Variants in TTC27 observed in about 807,000 individuals in gnomAD.
TTC27 encodes tetratricopeptide repeat domain 27, also known as tetratricopeptide repeat protein 27.
A neutral mutation model predicts 115.9 loss-of-function variants in TTC27; 79 were observed. The observed-to-expected ratio is 0.68, with a 90% CI of 0.57 to 0.82. TTC27 has a LOEUF of 0.82. Among genes scored for constraint, TTC27 ranks in the 40% least tolerant of loss-of-function variants. The pLI is 0.00. For synonymous variants in TTC27, 401 were observed against 356.0 expected (o/e 1.13, Z -1.42); for missense variants, 1,054 against 993.1 (o/e 1.06, Z -0.82).
chr2:32,645,428 C>T (rs1206464696), intron 4 of TTC27, among the ~76,000 whole-genome samples: 2 of 152,308 alleles, frequency 1.3e-5, no homozygotes, highest in East Asian at 3.9e-4. Flanking sequence ...ACTTCTCAGT[C>T]AGACCATTCT....
At position 32,811,151 on chromosome 2, in the gene TTC27, G is replaced by C; in HGVS notation, c.2126G>C (p.Gly709Ala). The change falls in exon 17 of 20, where the codon GGA becomes GCA. Residue 709 changes from glycine (G) to alanine (A), a missense_variant. Physicochemically the swap from Gly to Ala is moderately conservative, Grantham distance 60. Transcript: ENST00000317907. ...GTGACTTCAAGAGTGACAAATGATGGAGAAATCTGGAGGCTGTATGCCCAC... is the reference window on the plus strand; with the variant it reads ...GTGACTTCAAGAGTGACAAATGATGCAGAAATCTGGAGGCTGTATGCCCAC... ...GRVTSRVTND[G>A]EIWRLYAHVY... 6.2e-7 allele frequency: 1 copy of C among 1,614,188 alleles called. No individual in the cohort carries two copies. Among genetic ancestry groups the C allele is most frequent in the Non-Finnish European group, 8.5e-7 (1 of 1,180,016 alleles).
chr2:32,678,913 A>G lies in TTC27; in HGVS notation c.1110A>G (p.Ala370=), dbSNP rs1340342366. 2 of 1,613,110 alleles carry G rather than the reference A, an allele frequency of 1.2e-6. No homozygotes were observed. Among genetic ancestry groups the G allele is most frequent in the Admixed American group, 1.7e-5 (1 of 59,972 alleles). ...CATTAACTGAAGTGGAGCTTCTGGC[A>G]TTTACATCAGTGAGTAATGTCTTTT... ...VHTLTEVELL[A]FTSCLLSQPK... The change falls in exon 9 of 20, where the codon GCA becomes GCG. Residue 370 remains alanine (A), a synonymous_variant. Coordinates refer to ENST00000317907, the MANE Select transcript of TTC27 (RefSeq NM_017735.5).
chr2:32,632,250 A>G (rs111438668), intron 2 of TTC27, among the ~76,000 whole-genome samples: 1 of 150,572 alleles, frequency 6.6e-6, no homozygotes, highest in African/African-American at 2.5e-5. Flanking sequence ...GGCTCAAGCA[A>G]TCCTCACCTC....
At chr2:32,760,899 C>T (rs945432243) in intron 13 of TTC27, among the ~76,000 whole-genome samples, 2 of 152,160 alleles carry the variant, frequency 1.3e-5, no homozygotes, top group Admixed American at 1.3e-4. Context: ...CTCAGGCTCC[C>T]TTGCTGGTTC....
chr2:32,643,031 G>A (rs896211537), intron 4 of TTC27, among the ~76,000 whole-genome samples: 2 of 152,028 alleles, frequency 1.3e-5, no homozygotes, highest in African/African-American at 4.8e-5. Context: ...GTACAGTGGT[G>A]TGATCTTGGC....
At chr2:32,663,703 G>T (rs141672209) in intron 5 of TTC27, among the ~76,000 whole-genome samples, 54 of 151,598 alleles carry the variant, frequency 3.6e-4, no homozygotes, top group African/African-American at 1.3e-3. Flanking sequence ...TATTTATTTG[G>T]AGACGGGTTC....
At chr2:32,669,672 G>A (rs983690538) in intron 7 of TTC27, among the ~76,000 whole-genome samples, 1 of 151,998 alleles carries the variant, frequency 6.6e-6, no homozygotes, top group African/African-American at 2.4e-5. Context: ...ATCACTTGAG[G>A]TCAGGAGTTC....
At chr2:32,803,056 C>T (rs1036028323) in intron 16 of TTC27, among the ~76,000 whole-genome samples, 10 of 152,344 alleles carry the variant, frequency 6.6e-5, no homozygotes, top group East Asian at 3.9e-4. Context: ...CAGGACCTAA[C>T]GTGTGACCTT....
At chr2:32,815,860 T>G (rs1671485909) in intron 18 of TTC27, among the ~76,000 whole-genome samples, 1 of 152,192 alleles carries the variant, frequency 6.6e-6, no homozygotes, top group South Asian at 2.1e-4. Flanking sequence ...CTCTCACCCT[T>G]TAATGAGAAA....
At chr2:32,776,877 C>G (rs2006939) in intron 13 of TTC27, among the ~76,000 whole-genome samples, 1 of 152,116 alleles carries the variant, frequency 6.6e-6, no homozygotes, top group Non-Finnish European at 1.5e-5. Flanking sequence ...CCCAAAGTGC[C>G]GGGATTACAG....
At chr2:32,733,949 A>T in intron 11 of TTC27, 26 bp downstream of exon 11, 1 of 1,515,500 alleles carries the variant, frequency 6.6e-7, no homozygotes, top group South Asian at 1.2e-5. Context: ...GTCATTGGGT[A>T]TGGAAATTAC....
chr2:32,684,393 A>C (rs900820217), intron 9 of TTC27, among the ~76,000 whole-genome samples: 2 of 151,974 alleles, frequency 1.3e-5, no homozygotes, highest in African/African-American at 4.8e-5. Context: ...ATACGTGTGC[A>C]TGTGTCTAAA....
chr2:32,672,774 G>C (rs967226118), intron 8 of TTC27, among the ~76,000 whole-genome samples: 1 of 151,986 alleles, frequency 6.6e-6, no homozygotes, highest in Non-Finnish European at 1.5e-5. Context: ...TTTTTTTTCT[G>C]ATTAGAAATA....
In TTC27 at chr2:32,796,516, A is replaced by G. The variant is rs145608739; in HGVS notation, c.1998+9367A>G. On this transcript the variant is annotated intron_variant, in intron 16 of 19. Coordinates refer to ENST00000317907, the MANE Select transcript of TTC27 (RefSeq NM_017735.5). ...AAGATTATAAGAGAATATTGTGAACAAGTGTATGCCAACAAAGTGGATAAC... is the reference window on the plus strand; with the variant it reads ...AAGATTATAAGAGAATATTGTGAACGAGTGTATGCCAACAAAGTGGATAAC... 2.1e-3 allele frequency among the ~76,000 whole-genome samples: 317 copies of G among 152,328 alleles called. 1 individual carries two copies. Among genetic ancestry groups the G allele is most frequent in the African/African-American group, 7.2e-3 (300 of 41,580 alleles).
intron 4 of TTC27, among the ~76,000 whole-genome samples, chr2:32,646,557 G>GTTTTT (rs369232306): frequency 2.6e-5 from 3 of 114,498 alleles, no homozygotes; most frequent in African/African-American, 6.5e-5. Context: ...TCTATATTTG[G>GTTTTT]TTTTTTTTTT....
At chr2:32,647,362 G>A (rs1379576941) in intron 4 of TTC27, among the ~76,000 whole-genome samples, 1 of 152,142 alleles carries the variant, frequency 6.6e-6, no homozygotes, top group African/African-American at 2.4e-5. Context: ...CAGCAGATAA[G>A]GGACAGATAA....
intron 10 of TTC27, among the ~76,000 whole-genome samples, chr2:32,716,024 A>G (rs1328413028): frequency 2.0e-5 from 3 of 152,208 alleles, no homozygotes; most frequent in African/African-American, 7.2e-5. Flanking sequence ...TAAGCAATAT[A>G]GAAGTGGAAA....
chr2:32,713,736 T>C (rs1667660999), intron 10 of TTC27, among the ~76,000 whole-genome samples: 1 of 152,236 alleles, frequency 6.6e-6, no homozygotes, highest in Non-Finnish European at 1.5e-5. Flanking sequence ...TCACAATTTT[T>C]AAATGACTTT....
chr2:32,724,890 T>G (rs1668055015), intron 10 of TTC27, among the ~76,000 whole-genome samples: 1 of 152,222 alleles, frequency 6.6e-6, no homozygotes, highest in Non-Finnish European at 1.5e-5. Flanking sequence ...TATAATGGAC[T>G]TAGAGTTCCA....
Sources: allele counts gnomAD v4.1 joint callset (sites outside exome capture counted in the v4.1 genomes callset), GRCh38; gene constraint gnomAD v4.1.1; transcripts MANE v1.5; gene names NCBI Gene and HGNC (gene_info 2026-07-23, HGNC 2026-07-21).